Variants in NRG1 observed in about 807,000 individuals in gnomAD.
NRG1 encodes the protein neuregulin 1.
In NRG1, 18 loss-of-function variants were observed where a neutral mutation model predicts 63.8. The observed-to-expected ratio is 0.28, with a 90% CI of 0.19 to 0.42. The LOEUF (loss-of-function observed/expected upper bound fraction) is 0.42, where lower values mean the gene tolerates loss of function less well. NRG1 is among the 10% of genes least tolerant of loss of function. The probability of loss-of-function intolerance (pLI) is 1.00; values close to 1 mark genes in which losing one functional copy is unlikely to be tolerated. For missense variants in NRG1, 762 were observed against 814.7 expected, an observed-to-expected ratio of 0.94 and a Z score of 0.79; for synonymous variants, 302 against 301.3, an observed-to-expected ratio of 1.00 and a Z score of -0.02.
intron 1 of NRG1, among the ~76,000 whole-genome samples, chr8:32,256,316 G>C (rs1042326268): frequency 6.6e-6 from 1 of 152,166 alleles, no homozygotes; most frequent in Non-Finnish European, 1.5e-5. Context: ...ATCCTCATCT[G>C]TGTGGATTTA....
intron 1 of NRG1, among the ~76,000 whole-genome samples, chr8:32,330,368 T>C (rs956244173): frequency 1.3e-5 from 2 of 152,198 alleles, no homozygotes; most frequent in African/African-American, 4.8e-5. Context: ...AATGACAGGA[T>C]AGGTCTAGAG....
intron 1 of NRG1, among the ~76,000 whole-genome samples, chr8:31,809,404 G>GTATA (rs35009490): frequency 2.9e-4 from 40 of 140,092 alleles, no homozygotes; most frequent in Non-Finnish European, 4.8e-4. Context: ...GTGTGTGTGT[G>GTATA]TATATATATA....
intron 1 of NRG1, among the ~76,000 whole-genome samples, chr8:32,557,658 A>AT (rs537588043): frequency 1.3e-5 from 2 of 152,004 alleles, no homozygotes; most frequent in Non-Finnish European, 2.9e-5. Flanking sequence ...TATGATTATA[A>AT]TTTTTTTTAG....
At chr8:32,355,773 T>G (rs1282394101) in intron 1 of NRG1, among the ~76,000 whole-genome samples, 1 of 152,152 alleles carries the variant, frequency 6.6e-6, no homozygotes, top group African/African-American at 2.4e-5. Context: ...TAATCTTTTG[T>G]TTTTCCATAT....
intron 1 of NRG1, among the ~76,000 whole-genome samples, chr8:32,247,745 G>C (rs1848722491): frequency 6.6e-6 from 1 of 151,926 alleles, no homozygotes. Flanking sequence ...TTTTCAAAAG[G>C]GAGAAGACTT....
intron 1 of NRG1, among the ~76,000 whole-genome samples, chr8:32,509,057 T>C (rs1315907738): frequency 6.6e-6 from 1 of 150,906 alleles, no homozygotes; most frequent in African/African-American, 2.4e-5. Flanking sequence ...TACTTTGAAT[T>C]GTTTCTTTTT....
intron 1 of NRG1, among the ~76,000 whole-genome samples, chr8:32,555,564 C>T (rs941175965): frequency 2.0e-5 from 3 of 152,140 alleles, no homozygotes; most frequent in Non-Finnish European, 2.9e-5. Context: ...CTCCGCCTCC[C>T]GGGTTCACGC....
At chr8:32,711,740 G>C (rs1817867001) in intron 5 of NRG1, among the ~76,000 whole-genome samples, 1 of 152,074 alleles carries the variant, frequency 6.6e-6, no homozygotes, top group Non-Finnish European at 1.5e-5. Flanking sequence ...CTACCTTGAA[G>C]ATCACCTATA....
chr8:32,521,268 T>C (rs915115681), intron 1 of NRG1, among the ~76,000 whole-genome samples: 1 of 152,202 alleles, frequency 6.6e-6, no homozygotes, highest in East Asian at 1.9e-4. Flanking sequence ...TGTCTGTCTT[T>C]CCCTAAAGCA....
intron 1 of NRG1, among the ~76,000 whole-genome samples, chr8:32,051,310 C>A (rs1821941604): frequency 6.6e-6 from 1 of 152,062 alleles, no homozygotes; most frequent in Admixed American, 6.6e-5. Context: ...ATCCAGGGAC[C>A]CAACTTGGAA....
intron 5 of NRG1, among the ~76,000 whole-genome samples, chr8:32,668,898 C>CA (rs1210614413): frequency 6.6e-6 from 1 of 152,134 alleles, no homozygotes; most frequent in Admixed American, 6.5e-5. Flanking sequence ...TTTACTCTAT[C>CA]ATTTAGTAAC....
At chr8:32,029,725 C>A (rs1235599909) in intron 1 of NRG1, among the ~76,000 whole-genome samples, 1 of 152,114 alleles carries the variant, frequency 6.6e-6, no homozygotes, top group African/African-American at 2.4e-5. Context: ...TTTAACATTA[C>A]CTATGTGAAG....
intron 1 of NRG1, among the ~76,000 whole-genome samples, chr8:32,404,268 G>A (rs1223728422): frequency 2.0e-5 from 3 of 152,090 alleles, no homozygotes; most frequent in East Asian, 3.9e-4. Context: ...GCAAAGGGGC[G>A]GGGGTAATGA....
intron 1 of NRG1, among the ~76,000 whole-genome samples, chr8:32,048,712 A>T (rs1323839268): frequency 6.6e-6 from 1 of 151,608 alleles, no homozygotes; most frequent in Non-Finnish European, 1.5e-5. Context: ...GCGTTTATCC[A>T]GTGATTAGTG....
At chr8:32,500,895 C>T (rs1407305788) in intron 1 of NRG1, among the ~76,000 whole-genome samples, 1 of 152,082 alleles carries the variant, frequency 6.6e-6, no homozygotes, top group Non-Finnish European at 1.5e-5. Context: ...TCTTGTTTTG[C>T]TTGATCTTAG....
intron 1 of NRG1, among the ~76,000 whole-genome samples, chr8:31,886,446 AT>A (rs1297093471): frequency 6.6e-6 from 1 of 152,124 alleles, no homozygotes; most frequent in Non-Finnish European, 1.5e-5. Flanking sequence ...TTCTTGTTCA[AT>A]TTTTGAGAAA....
At chr8:31,874,738 C>T (rs976246479) in intron 1 of NRG1, among the ~76,000 whole-genome samples, 1 of 151,970 alleles carries the variant, frequency 6.6e-6, no homozygotes, top group Non-Finnish European at 1.5e-5. Context: ...TCATCCCCAC[C>T]TTCCCCCACC....
intron 1 of NRG1, among the ~76,000 whole-genome samples, chr8:32,307,543 A>T (rs574953938): frequency 6.6e-6 from 1 of 151,704 alleles, no homozygotes; most frequent in South Asian, 2.1e-4. Context: ...TGGGGTTAGG[A>T]ATCATTTCCC....
intron 11 of NRG1, among the ~76,000 whole-genome samples, chr8:32,762,221 T>A (rs1302718939): frequency 6.6e-6 from 1 of 152,060 alleles, no homozygotes; most frequent in Non-Finnish European, 1.5e-5. Flanking sequence ...AGTCTTAAAT[T>A]CATATTTTTT....
Sources: gnomAD v4.1 joint callset for allele counts (sites outside exome capture counted in the v4.1 genomes callset) on GRCh38, gnomAD v4.1.1 for gene constraint, MANE v1.5 for transcripts, NCBI Gene and HGNC (gene_info 2026-07-23, HGNC 2026-07-21) for gene names.